The following MAP4K1 variants were observed in gnomAD, a reference collection of about 807,000 sequenced individuals.
MAP4K1 encodes the protein MAPK/ERK kinase kinase kinase 1.
A neutral mutation model predicts 122.8 loss-of-function variants in MAP4K1; 35 were observed. The ratio of observed to expected loss-of-function variants is 0.29; its 90% CI spans 0.22 to 0.38. MAP4K1 has a LOEUF of 0.38. Among genes scored for constraint, MAP4K1 ranks in the 10% least tolerant of loss-of-function variants. MAP4K1 has a pLI of 1.00. For synonymous variants in MAP4K1, 412 were observed against 421.3 expected (o/e 0.98, Z 0.27); for missense variants, 791 against 1,072.6 (o/e 0.74, Z 3.67).
At chr19:38,609,472 G>A in intron 13 of MAP4K1, 124 bp downstream of exon 13, 1 of 830,536 alleles carries the variant, frequency 1.2e-6, no homozygotes, top group Non-Finnish European at 2.0e-6. Flanking sequence ...TGATGAGATT[G>A]TCTGGGGTCT....
At chr19:38,609,190 A>G (rs1975422556) in intron 13 of MAP4K1, among the ~76,000 whole-genome samples, 1 of 151,992 alleles carries the variant, frequency 6.6e-6, no homozygotes, top group African/African-American at 2.4e-5. Context: ...ACTGGAGTGC[A>G]GTGGCGCAAT....
chr19:38,611,899 G>A lies in MAP4K1; in HGVS notation c.666-594C>T, dbSNP rs146935310. Among the ~76,000 whole-genome samples the A allele has an allele frequency of 7.9e-3, 1,207 of 152,212 alleles. 19 individuals carry two copies. Among genetic ancestry groups the A allele is most frequent in the African/African-American group, 0.027 (1,135 of 41,536 alleles). On this transcript the variant is annotated intron_variant, in intron 9 of 30. Coordinates refer to ENST00000396857, the MANE Select transcript of MAP4K1 (RefSeq NM_001042600.3). ...GGATCACTTGAGGTCAGGAGTTCAAGACCAGCCTGGTCAACATAGTGAAAC... is the reference window on the plus strand; with the variant it reads ...GGATCACTTGAGGTCAGGAGTTCAAAACCAGCCTGGTCAACATAGTGAAAC...
rs1975006228 is a variant in MAP4K1, at chr19:38,599,825, G to A, written c.1669+100C>T. On this transcript the variant is annotated intron_variant, in intron 22 of 30. Coordinates refer to ENST00000396857, the MANE Select transcript of MAP4K1 (RefSeq NM_001042600.3). ...GAACCTAGGACTTTGTGACCAAGCA[G>A]TCTAAGTTTTTTTTCAGCTGTGCCC... 2.1e-5 allele frequency: 23 copies of A among 1,113,840 alleles called. 1 individual carries two copies. In the South Asian group the frequency reaches 2.8e-4, roughly 13 times the overall value. 69.0% of individuals were successfully genotyped at this position (1,113,840 alleles called of 1,614,324 possible).
At position 38,596,418 on chromosome 19, in the gene MAP4K1, C is replaced by G; in HGVS notation, c.2010G>C (p.Leu670=). Residue 670 remains leucine, a synonymous_variant, in exon 26 of 31, where the codon CTG becomes CTC. Coordinates refer to ENST00000396857, the MANE Select transcript of MAP4K1 (RefSeq NM_001042600.3). ...GGCTCACGCCGATGCACACAGCGGG[C>G]AGCTCAGAGCCTGGCCCGGTCAGCA... is the stretch of plus-strand genomic sequence containing the variant. ...FALLTGPGSE[L]PAVCIGVSPG... is the part of the protein sequence containing the mutation. 2.5e-6 allele frequency: 4 copies of G among 1,593,332 alleles called. No homozygotes were observed. The highest frequency in any genetic ancestry group is 3.4e-6 in the Non-Finnish European group (4 of 1,174,138).
intron 20 of MAP4K1, among the ~76,000 whole-genome samples, chr19:38,600,590 C>T (rs1975031151): frequency 6.6e-6 from 1 of 152,080 alleles, no homozygotes; most frequent in African/African-American, 2.4e-5. Context: ...GTCTTCATCT[C>T]TTTGATCTCT....
In MAP4K1 at chr19:38,599,604, G is replaced by T. The variant is rs189348645; in HGVS notation, c.1669+321C>A. ...TTGAACCTGGGAGGCAGAGGTTGCC[G>T]TGAGCTGAGATTGTACCACTGCGCT... On this transcript the variant is annotated intron_variant, in intron 22 of 30. Transcript: ENST00000396857. 4.0e-3 allele frequency among the ~76,000 whole-genome samples: 612 copies of T among 152,184 alleles called. 3 individuals are homozygous for T. The highest frequency in any genetic ancestry group is 0.014 in the African/African-American group (571 of 41,522).
At chr19:38,596,040 A>G in intron 26 of MAP4K1, 39 bp from the exon 27 acceptor site, 1 of 1,529,778 alleles carries the variant, frequency 6.5e-7, no homozygotes, top group Non-Finnish European at 8.9e-7. Context: ...ACCCCACCCC[A>G]TTCCCCTTTC....
rs376446478 is a variant in MAP4K1 at position 38,617,457 on chromosome 19, C to T, written c.158-13G>A. 251 of 1,606,266 alleles carry T rather than the reference C, an allele frequency of 1.6e-4. 9 individuals carry two copies. Among genetic ancestry groups the T allele is most frequent in the East Asian group, 1.3e-3 (57 of 44,814 alleles). On this transcript the variant is annotated splice_polypyrimidine_tract_variant and intron_variant, in intron 2 of 30. Coordinates refer to ENST00000396857, the MANE Select transcript of MAP4K1 (RefSeq NM_001042600.3). The surrounding 1 kb of genome is among the most constrained non-coding windows in gnomAD (Gnocchi z 4.1). ...GAGACATCATCATCTGTGAGGAGGGCGGGAGAGAAAAGGCAGCTCGCATGG... is the reference window on the plus strand; with the variant it reads ...GAGACATCATCATCTGTGAGGAGGGTGGGAGAGAAAAGGCAGCTCGCATGG...
intron 12 of MAP4K1, 26 bp downstream of exon 12, chr19:38,609,883 G>T: frequency 4.4e-6 from 7 of 1,590,136 alleles, no homozygotes; most frequent in Non-Finnish European, 6.0e-6. Context: ...GAGGTCCCCA[G>T]TGCTCTTGTC....
rs530999780 is a variant in MAP4K1 at position 38,607,757 on chromosome 19, G to A, written c.1157+107C>T. ...CTCAGGGCTCGGGGCTAGAAGAAAG[G>A]CAGGGGTGCAGCGGGGTCAGGAGTG... On this transcript the variant is annotated intron_variant, in intron 16 of 30. Transcript: ENST00000396857. 335 of 1,225,702 alleles carry A rather than the reference G, an allele frequency of 2.7e-4. No individual in the cohort carries two copies. In the African/African-American group the frequency reaches 4.5e-3, roughly 16 times the overall value. The allele number at this position is 1,225,702 out of a possible 1,614,324, so 75.9% of individuals were successfully genotyped here.
Position 38,617,674 on chromosome 19 carries a change from C to T in MAP4K1, c.100-49G>A. ...CAGGCAGGCTCCATTTGCCAGAGTC[C>T]CTCCACAGCATCCCTGAGTCAAGGT... is the stretch of plus-strand genomic sequence containing the variant. On this transcript the variant is annotated intron_variant, in intron 1 of 30. Coordinates refer to ENST00000396857, the MANE Select transcript of MAP4K1 (RefSeq NM_001042600.3). The surrounding 1 kb of genome is among the most constrained non-coding windows in gnomAD (Gnocchi z 4.1). 6.2e-7 allele frequency: 1 copy of T among 1,609,418 alleles called. No homozygotes were observed. The highest frequency in any genetic ancestry group is 8.5e-7 in the Non-Finnish European group (1 of 1,175,758).
intron 29 of MAP4K1, among the ~76,000 whole-genome samples, chr19:38,594,373 C>T (rs1974808110): frequency 6.6e-6 from 1 of 152,188 alleles, no homozygotes; most frequent in Admixed American, 6.5e-5. Context: ...GGTGAAGTAG[C>T]TCACGCCTGT....
Position 38,617,441 on chromosome 19 carries a change from T to A in MAP4K1, c.161A>T (p.Asp54Val). Residue 54 changes from aspartate (D) to valine (V), a missense_variant, in exon 3 of 31, where the codon GAT becomes GTT. This residue lies in a region of MAP4K1 where 163 missense variants were observed against 286.1 expected (regional missense o/e 0.57). Coordinates refer to ENST00000396857, the MANE Select transcript of MAP4K1 (RefSeq NM_001042600.3). This position sits in a 1 kb window ranked among gnomAD's most constrained non-coding sequence, Gnocchi z 4.1. ...TTCCTTCTGAAGGGTGGAGACATCA[T>A]CATCTGTGAGGAGGGCGGGAGAGAA... is the stretch of plus-strand genomic sequence containing the variant. ...ALKMVKMEPD[D>V]DVSTLQKEIL... The A allele has an allele frequency of 6.2e-7, 1 of 1,612,174 alleles. No homozygotes were observed. Among genetic ancestry groups the A allele is most frequent in the South Asian group, 1.1e-5 (1 of 91,044 alleles).
Position 38,599,990 on chromosome 19 carries a change from A to G in MAP4K1, c.1609-5T>C. ...CGTAGTCCGGCTAGGAAAGAGCTGC[A>G]GGGAATGGGAGAGATGGCTCTGGTG... On this transcript the variant is annotated splice_polypyrimidine_tract_variant and splice_region_variant and intron_variant, in intron 21 of 30. Coordinates refer to ENST00000396857, the MANE Select transcript of MAP4K1 (RefSeq NM_001042600.3). The G allele has an allele frequency of 6.2e-7, 1 of 1,614,214 alleles. No individual in the cohort carries two copies. Among genetic ancestry groups the G allele is most frequent in the Non-Finnish European group, 8.5e-7 (1 of 1,180,030 alleles).
chr19:38,596,629 C>T, intron 25 of MAP4K1, 143 bp from the exon 26 acceptor site: 1 of 741,440 alleles, frequency 1.3e-6, no homozygotes, highest in Admixed American at 3.0e-5. Flanking sequence ...GGGATAAGGC[C>T]TGGTGCCTCC....
intron 13 of MAP4K1, 151 bp from the exon 14 acceptor site, chr19:38,608,321 A>G: frequency 2.1e-6 from 1 of 476,536 alleles, no homozygotes. Flanking sequence ...CCTTGGGGAA[A>G]GGGGTCTTGG....
intron 12 of MAP4K1, 21 bp from the exon 13 acceptor site, chr19:38,609,695 G>T: frequency 6.2e-7 from 1 of 1,601,112 alleles, no homozygotes; most frequent in East Asian, 2.2e-5. Flanking sequence ...GGGCAGCCAC[G>T]TCAGGGCTCA....
At chr19:38,596,206 C>A in intron 26 of MAP4K1, 106 bp downstream of exon 26, 2 of 1,425,798 alleles carry the variant, frequency 1.4e-6, no homozygotes, top group South Asian at 2.8e-5. Context: ...GCCCTTCCAG[C>A]CCTTTCTCAG....
chr19:38,607,577 AAAAG>A (rs1415581707), intron 16 of MAP4K1, among the ~76,000 whole-genome samples: 17 of 150,934 alleles, frequency 1.1e-4, no homozygotes, highest in African/African-American at 3.2e-4. Context: ...AAAAAAAAAA[AAAAG>A]AAGAAGGTGG....
Sources: allele counts gnomAD v4.1 joint callset (sites outside exome capture counted in the v4.1 genomes callset), GRCh38; gene constraint gnomAD v4.1.1; regional missense constraint gnomAD v4.1.1; non-coding constraint Gnocchi (gnomAD v3.1); transcripts MANE v1.5; gene names NCBI Gene and HGNC (gene_info 2026-07-23, HGNC 2026-07-21).